Variants in EFCAB6 observed in about 807,000 individuals in gnomAD.
The protein encoded by EFCAB6 is EF-hand calcium-binding domain-containing protein 6.
Under a neutral mutation model 169.8 loss-of-function variants are expected in EFCAB6, and 156 were observed. The observed-to-expected ratio is 0.92, with a 90% CI of 0.81 to 1.05. The LOEUF is 1.05. Ranked by LOEUF, EFCAB6 falls within the 50% of genes least tolerant of loss-of-function variation. The probability of loss-of-function intolerance (pLI) is 0.00; values close to 1 mark genes in which losing one functional copy is unlikely to be tolerated. For missense variants in EFCAB6, 1,800 were observed against 1,829.1 expected, an observed-to-expected ratio of 0.98 and a Z score of 0.29; for synonymous variants, 698 against 676.4, an observed-to-expected ratio of 1.03 and a Z score of -0.50.
At chr22:43,714,349 G>A (rs1271295293) in intron 9 of EFCAB6, among the ~76,000 whole-genome samples, 2 of 151,776 alleles carry the variant, frequency 1.3e-5, no homozygotes, top group Non-Finnish European at 2.9e-5. Flanking sequence ...ATAGAAGGAG[G>A]AAGGGAGAGA....
intron 17 of EFCAB6, among the ~76,000 whole-genome samples, chr22:43,637,498 T>C (rs2055499959): frequency 6.6e-6 from 1 of 152,244 alleles, no homozygotes; most frequent in Non-Finnish European, 1.5e-5. Context: ...CAGTCAGGCC[T>C]GGCCTTGGCT....
At chr22:43,733,182 C>A (rs186188112) in intron 7 of EFCAB6, among the ~76,000 whole-genome samples, 3 of 152,120 alleles carry the variant, frequency 2.0e-5, no homozygotes, top group Non-Finnish European at 4.4e-5. Flanking sequence ...CTTTCATCTA[C>A]GGTCTCTGTC....
chr22:43,728,726 G>A (rs2059828820), intron 8 of EFCAB6, among the ~76,000 whole-genome samples: 1 of 152,180 alleles, frequency 6.6e-6, no homozygotes, highest in Non-Finnish European at 1.5e-5. Flanking sequence ...AGAAGTGTCT[G>A]TTCATATCCT....
intron 23 of EFCAB6, among the ~76,000 whole-genome samples, chr22:43,594,189 C>T (rs1267693617): frequency 5.4e-5 from 8 of 149,150 alleles, no homozygotes; most frequent in Non-Finnish European, 1.0e-4. Flanking sequence ...GCAGGAGAAT[C>T]GCTTGAACCT....
intron 4 of EFCAB6, among the ~76,000 whole-genome samples, chr22:43,767,659 C>T (rs1273105076): frequency 6.6e-6 from 1 of 152,204 alleles, no homozygotes; most frequent in Non-Finnish European, 1.5e-5. Context: ...GCCATGAGTG[C>T]CAGCGATCTC....
intron 12 of EFCAB6, among the ~76,000 whole-genome samples, chr22:43,681,026 C>G (rs1269327105): frequency 1.3e-5 from 2 of 152,212 alleles, no homozygotes; most frequent in Non-Finnish European, 2.9e-5. Flanking sequence ...AGCTGACATT[C>G]TCGTGCTGTC....
At chr22:43,532,902 A>G (rs2047168071) in intron 30 of EFCAB6, among the ~76,000 whole-genome samples, 1 of 152,242 alleles carries the variant, frequency 6.6e-6, no homozygotes, top group African/African-American at 2.4e-5. Context: ...AGGTGGTCGG[A>G]ATCAGCTGTG....
At chr22:43,768,472 T>C (rs896006133) in intron 4 of EFCAB6, among the ~76,000 whole-genome samples, 6 of 152,234 alleles carry the variant, frequency 3.9e-5, no homozygotes, top group African/African-American at 7.2e-5. Flanking sequence ...AATGGATTCA[T>C]CATAGAACCA....
chr22:43,665,241 C>T (rs769466132), intron 17 of EFCAB6, among the ~76,000 whole-genome samples: 6 of 152,056 alleles, frequency 3.9e-5, no homozygotes, highest in Admixed American at 3.3e-4. Context: ...ACTCAGGAGA[C>T]GCTGGTTTAT....
chr22:43,709,240 C>G (rs372328628), intron 10 of EFCAB6, among the ~76,000 whole-genome samples: 4 of 152,128 alleles, frequency 2.6e-5, no homozygotes, highest in African/African-American at 9.7e-5. Flanking sequence ...CACCACCATG[C>G]CCGGCTAATT....
intron 17 of EFCAB6, among the ~76,000 whole-genome samples, chr22:43,662,978 C>T (rs1361640381): frequency 1.3e-5 from 2 of 152,168 alleles, no homozygotes; most frequent in Non-Finnish European, 2.9e-5. Flanking sequence ...CAACACTGAG[C>T]CAGTATCACA....
intron 27 of EFCAB6, among the ~76,000 whole-genome samples, chr22:43,542,296 C>A (rs553619934): frequency 3.9e-4 from 60 of 152,314 alleles, no homozygotes; most frequent in African/African-American, 1.4e-3. Flanking sequence ...TTCTGTGGTG[C>A]AGGCTGGGTG....
chr22:43,727,068 G>GA (rs776581117), intron 8 of EFCAB6, among the ~76,000 whole-genome samples: 1 of 151,860 alleles, frequency 6.6e-6, no homozygotes, highest in African/African-American at 2.4e-5. Flanking sequence ...GTATAATGTT[G>GA]AAAAAAAAGT....
intron 20 of EFCAB6, among the ~76,000 whole-genome samples, chr22:43,622,548 A>G (rs945258570): frequency 1.2e-4 from 19 of 152,238 alleles, no homozygotes; most frequent in Non-Finnish European, 2.2e-4. Flanking sequence ...CCCGGGTGAC[A>G]AGAGCGAAAC....
At chr22:43,579,303 C>G (rs1370181352) in intron 25 of EFCAB6, among the ~76,000 whole-genome samples, 1 of 150,726 alleles carries the variant, frequency 6.6e-6, no homozygotes, top group African/African-American at 2.5e-5. Flanking sequence ...TTATTTCCTA[C>G]AGATAGGCAT....
At position 43,719,321 on chromosome 22, in the gene EFCAB6, T is replaced by C. The variant is rs539345438; in HGVS notation, c.758-2349A>G. Among the ~76,000 whole-genome samples the C allele has an allele frequency of 3.0e-4, 46 of 152,310 alleles. 1 individual carries two copies. The South Asian group carries it at 9.5e-3, about 32-fold the overall frequency. The stretch of plus-strand genomic sequence containing the variant: ...AGGATGATGCTACCCAATGTGAAAC[T>C]GGGTGGAGAAGCAATCCAAAGCTTA... On this transcript the variant is annotated intron_variant, in intron 8 of 31. Transcript: ENST00000262726.
intron 17 of EFCAB6, among the ~76,000 whole-genome samples, chr22:43,644,257 C>A (rs1004912274): frequency 2.6e-5 from 4 of 152,070 alleles, no homozygotes; most frequent in Non-Finnish European, 5.9e-5. Context: ...AGGCTTAGCA[C>A]GTTCCAGGTC....
chr22:43,590,079 T>G lies in EFCAB6; in HGVS notation c.3027A>C (p.Leu1009=). 6.2e-7 allele frequency: 1 copy of G among 1,613,228 alleles called. No homozygotes were observed. Among genetic ancestry groups the G allele is most frequent in the Non-Finnish European group, 8.5e-7 (1 of 1,179,670 alleles). The stretch of plus-strand genomic sequence containing the variant: ...TTAACTGAGTCCAAAAAGACCTGTT[T>G]AGCAGATGGGTCAGCTCCCCTTCGG... ...SLTEGELTHL[L]NSWGVSRHDN... is the part of the protein sequence containing the mutation. The change falls in exon 24 of 32, where the codon CTA becomes CTC. Residue 1009 remains leucine, a synonymous_variant. Coordinates refer to ENST00000262726, the MANE Select transcript of EFCAB6 (RefSeq NM_022785.4).
intron 10 of EFCAB6, among the ~76,000 whole-genome samples, chr22:43,704,035 A>G (rs2058861269): frequency 6.6e-6 from 1 of 152,130 alleles, no homozygotes. Context: ...CTCTAATCAA[A>G]TTCAACCCAA....
Sources: gnomAD v4.1 joint callset for allele counts (sites outside exome capture counted in the v4.1 genomes callset) on GRCh38, gnomAD v4.1.1 for gene constraint, MANE v1.5 for transcripts, NCBI Gene and HGNC (gene_info 2026-07-23, HGNC 2026-07-21) for gene names.